The following PRDM11 variants were observed in gnomAD, a reference collection of about 807,000 sequenced individuals.
PRDM11 encodes PR/SET domain 11.
In PRDM11, 20 loss-of-function variants were observed where a neutral mutation model predicts 97.8. That is an observed-to-expected ratio of 0.20 (90% CI 0.14 to 0.30). The LOEUF (loss-of-function observed/expected upper bound fraction) is 0.30. Ranked by LOEUF, PRDM11 falls within the 10% of genes least tolerant of loss-of-function variation. The pLI, the probability that PRDM11 is intolerant of heterozygous loss-of-function variation, is 1.00. For synonymous variants in PRDM11, 599 were observed against 637.7 expected, an observed-to-expected ratio of 0.94 and a Z score of 0.91; for missense variants, 1,139 against 1,555.2, an observed-to-expected ratio of 0.73 and a Z score of 4.50.
intron 4 of PRDM11, among the ~76,000 whole-genome samples, chr11:45,192,011 C>G (rs928630363): frequency 1.3e-5 from 2 of 151,982 alleles, no homozygotes; most frequent in Non-Finnish European, 2.9e-5. Context: ...CTCCCACCCC[C>G]GCAACAGGCC....
intron 1 of PRDM11, among the ~76,000 whole-genome samples, chr11:45,180,899 C>G (rs12792817): frequency 0.34 from 51,796 of 151,808 alleles, 10,106 homozygotes; most frequent in Non-Finnish European, 0.45. Context: ...GGGGGCAGGC[C>G]GTCACGTTTC....
chr11:45,209,287 C>T (rs1355079752), intron 5 of PRDM11: 2 of 362,756 alleles, frequency 5.5e-6, no homozygotes, highest in African/African-American at 2.1e-5. Flanking sequence ...GACAGCCCTT[C>T]GACCAGCTGT....
chr11:45,211,424 C>T (rs2135816668), intron 5 of PRDM11, among the ~76,000 whole-genome samples: 1 of 152,282 alleles, frequency 6.6e-6, no homozygotes, highest in East Asian at 1.9e-4. Context: ...TTAATCCTGC[C>T]ACAGGGATCA....
chr11:45,227,763 T>C lies in PRDM11; in HGVS notation c.3138T>C (p.Ala1046=), dbSNP rs746555. The C allele has an allele frequency of 0.94, 1,443,546 of 1,533,784 alleles. 686,879 individuals carry two copies. Among genetic ancestry groups the C allele is most frequent in the Non-Finnish European group, 0.98 (1,118,744 of 1,146,728 alleles). The change falls in exon 8 of 8, where the codon GCT becomes GCC. Residue 1046 remains alanine, a synonymous_variant. Coordinates refer to ENST00000683152, the MANE Select transcript of PRDM11 (RefSeq NM_001384648.1). The surrounding 1 kb of genome is among the most constrained non-coding windows in gnomAD (Gnocchi z 8.0). ...TGATGGAGTGGCGAGAACTCAAGGC[T>C]GATTACTACACCAAAAATGGCTTCA... The part of the protein sequence containing the change: ...SLLMEWRELK[A]DYYTKNGFKD...
chr11:45,174,219 G>C (rs1246744085), intron 1 of PRDM11, among the ~76,000 whole-genome samples: 1 of 152,282 alleles, frequency 6.6e-6, no homozygotes, highest in East Asian at 1.9e-4. Flanking sequence ...GTTGTAGTTT[G>C]TCTATTCTCA....
intron 1 of PRDM11, among the ~76,000 whole-genome samples, chr11:45,129,809 A>C (rs1424514174): frequency 6.6e-6 from 1 of 152,204 alleles, no homozygotes; most frequent in Admixed American, 6.5e-5. Flanking sequence ...AATGCAAAAA[A>C]AACCCAGAAT....
At chr11:45,168,229 T>G (rs1852115214) in intron 1 of PRDM11, among the ~76,000 whole-genome samples, 1 of 152,164 alleles carries the variant, frequency 6.6e-6, no homozygotes, top group Non-Finnish European at 1.5e-5. Context: ...GCAGGAGCTG[T>G]GGGCCGTGGT....
chr11:45,222,049 G>A (rs1242656698), intron 6 of PRDM11, among the ~76,000 whole-genome samples: 1 of 152,176 alleles, frequency 6.6e-6, no homozygotes, highest in Non-Finnish European at 1.5e-5. Context: ...TAGGGATATT[G>A]GTTGTTGCCA....
chr11:45,147,287 CG>C (rs1851539761), intron 1 of PRDM11: 1 of 149,436 alleles, frequency 6.7e-6, no homozygotes, highest in African/African-American at 2.5e-5. Flanking sequence ...CGCGGTGACA[CG>C]GACGGGGCGG....
intron 1 of PRDM11, among the ~76,000 whole-genome samples, chr11:45,128,687 C>T (rs1406346506): frequency 6.6e-6 from 1 of 152,098 alleles, no homozygotes; most frequent in Non-Finnish European, 1.5e-5. Flanking sequence ...AAAGAAGCTT[C>T]CAGGGCCAGA....
At chr11:45,123,385 TG>T (rs1464939899) in intron 1 of PRDM11, among the ~76,000 whole-genome samples, 1 of 152,062 alleles carries the variant, frequency 6.6e-6, no homozygotes, top group African/African-American at 2.4e-5. Context: ...TTGTTGCCAT[TG>T]CTTTTGGTGT....
intron 1 of PRDM11, among the ~76,000 whole-genome samples, chr11:45,101,055 G>A (rs981419383): frequency 6.6e-6 from 1 of 152,106 alleles, no homozygotes; most frequent in Non-Finnish European, 1.5e-5. Context: ...AAGTGGGGGG[G>A]TGGGGATTAA....
At chr11:45,122,202 G>GACACACACACACACAC (rs756403475) in intron 1 of PRDM11, among the ~76,000 whole-genome samples, 4 of 145,028 alleles carry the variant, frequency 2.8e-5, no homozygotes, top group African/African-American at 1.0e-4. Context: ...CACACACACA[G>GACACACACACACACAC]ACACACACAC....
intron 1 of PRDM11, among the ~76,000 whole-genome samples, chr11:45,152,295 G>A (rs190934385): frequency 1.1e-4 from 16 of 152,200 alleles, no homozygotes; most frequent in Admixed American, 8.5e-4. Context: ...TTGAACTCCC[G>A]ACCTCAAGTG....
At chr11:45,191,635 A>C (rs781393433) in intron 4 of PRDM11, among the ~76,000 whole-genome samples, 1 of 152,006 alleles carries the variant, frequency 6.6e-6, no homozygotes, top group Non-Finnish European at 1.5e-5. Context: ...ACACATCCCC[A>C]TCATTATTTT....
intron 2 of PRDM11, 119 bp downstream of exon 2, chr11:45,182,004 C>T (rs1449781204): frequency 6.3e-6 from 6 of 949,408 alleles, no homozygotes; most frequent in African/African-American, 1.7e-5. Context: ...TAACCCTGCT[C>T]CCGGCAGCTC....
At chr11:45,141,060 C>T (rs1851394496) in intron 1 of PRDM11, among the ~76,000 whole-genome samples, 1 of 152,156 alleles carries the variant, frequency 6.6e-6, no homozygotes, top group African/African-American at 2.4e-5. Context: ...ACCAGTCTGC[C>T]AAGGTCCTGT....
intron 1 of PRDM11, among the ~76,000 whole-genome samples, chr11:45,166,891 A>G (rs1165283508): frequency 6.6e-6 from 1 of 152,226 alleles, no homozygotes; most frequent in Non-Finnish European, 1.5e-5. Context: ...TGTTTTGGCA[A>G]ACTTGACATA....
intron 6 of PRDM11, 122 bp from the exon 7 acceptor site, chr11:45,224,095 C>A: frequency 8.1e-7 from 1 of 1,234,664 alleles, no homozygotes; most frequent in Non-Finnish European, 1.1e-6. Context: ...AACACTTGCC[C>A]CAAAAGCCCA....
Sources: allele counts gnomAD v4.1 joint callset (sites outside exome capture counted in the v4.1 genomes callset), GRCh38; gene constraint gnomAD v4.1.1; non-coding constraint Gnocchi (gnomAD v3.1); transcripts MANE v1.5; gene names NCBI Gene and HGNC (gene_info 2026-07-23, HGNC 2026-07-21).